The following DPP10 variants were observed in gnomAD, a reference collection of about 807,000 sequenced individuals.
DPP10 encodes the protein dipeptidyl peptidase like 10, also known as inactive dipeptidyl peptidase 10.
A neutral mutation model predicts 120.9 loss-of-function variants in DPP10; 33 were observed. That is an observed-to-expected ratio of 0.27 (90% CI 0.21 to 0.37). The LOEUF is 0.37. DPP10 is among the 10% of genes least tolerant of loss of function. The pLI is 1.00. For missense variants in DPP10, 816 were observed against 942.8 expected (o/e 0.87, Z 1.76); for synonymous variants, 337 against 326.1 (o/e 1.03, Z -0.36).
intron 15 of DPP10, among the ~76,000 whole-genome samples, chr2:115,780,412 A>C (rs998151620): frequency 3.3e-5 from 5 of 151,896 alleles, no homozygotes; most frequent in African/African-American, 1.2e-4. Context: ...TAATGTTTAG[A>C]ATGTTTAATT....
intron 3 of DPP10, among the ~76,000 whole-genome samples, chr2:115,481,737 T>A (rs2075441278): frequency 6.6e-6 from 1 of 152,126 alleles, no homozygotes; most frequent in African/African-American, 2.4e-5. Context: ...TAGATTAATA[T>A]TTTCAGGGTT....
At chr2:115,404,053 T>C (rs1436922214) in intron 3 of DPP10, among the ~76,000 whole-genome samples, 1 of 152,208 alleles carries the variant, frequency 6.6e-6, no homozygotes, top group African/African-American at 2.4e-5. Context: ...ACCTGAGTAT[T>C]AGACCATTCC....
intron 1 of DPP10, among the ~76,000 whole-genome samples, chr2:114,544,791 C>G (rs1489113368): frequency 6.6e-6 from 1 of 151,876 alleles, no homozygotes; most frequent in Admixed American, 6.6e-5. Context: ...AGGATTAATT[C>G]ATAGATTGAT....
chr2:114,533,645 A>G (rs1056507925), intron 1 of DPP10, among the ~76,000 whole-genome samples: 4 of 152,180 alleles, frequency 2.6e-5, no homozygotes, highest in African/African-American at 9.7e-5. Context: ...AAAAGAAATG[A>G]TAAGAGGGAA....
At chr2:114,711,871 T>C (rs903597572) in intron 1 of DPP10, among the ~76,000 whole-genome samples, 1 of 152,242 alleles carries the variant, frequency 6.6e-6, no homozygotes, top group Non-Finnish European at 1.5e-5. Context: ...ATTAACTTCA[T>C]GTATACAAGA....
chr2:115,075,040 G>A (rs936898903), intron 1 of DPP10, among the ~76,000 whole-genome samples: 42 of 152,330 alleles, frequency 2.8e-4, no homozygotes, highest in African/African-American at 9.6e-4. Flanking sequence ...AGACAAGAGA[G>A]TGAGAAGCAG....
chr2:114,450,192 T>A (rs1427354665), intron 1 of DPP10, among the ~76,000 whole-genome samples: 1 of 152,058 alleles, frequency 6.6e-6, no homozygotes, highest in Admixed American at 6.6e-5. Flanking sequence ...ACCTTCCCCA[T>A]CCCCCAAACC....
intron 11 of DPP10, among the ~76,000 whole-genome samples, 171 bp downstream of exon 11, chr2:115,753,468 A>C (rs1373493494): frequency 2.6e-5 from 4 of 152,182 alleles, no homozygotes; most frequent in Non-Finnish European, 5.9e-5. Context: ...AAAGCTTCCA[A>C]ACTTTGAAGT....
At chr2:115,188,521 C>T (rs2054633687) in intron 1 of DPP10, among the ~76,000 whole-genome samples, 2 of 152,118 alleles carry the variant, frequency 1.3e-5, no homozygotes, top group South Asian at 4.1e-4. Context: ...TTTAGGGTCT[C>T]TCAAGAAAAT....
intron 1 of DPP10, among the ~76,000 whole-genome samples, chr2:115,123,781 C>T (rs1180846180): frequency 1.3e-5 from 2 of 152,150 alleles, no homozygotes; most frequent in African/African-American, 4.8e-5. Context: ...TAACTATCTA[C>T]TCCAACAACC....
intron 7 of DPP10, among the ~76,000 whole-genome samples, chr2:115,701,143 A>G (rs560511559): frequency 3.2e-4 from 48 of 152,240 alleles, no homozygotes; most frequent in African/African-American, 1.1e-3. Flanking sequence ...AAACATTTGT[A>G]AAAAAGAAGA....
chr2:115,110,141 C>T (rs2049142535), intron 1 of DPP10, among the ~76,000 whole-genome samples: 1 of 152,170 alleles, frequency 6.6e-6, no homozygotes, highest in Admixed American at 6.5e-5. Context: ...CTCGATTTCC[C>T]ACCCTCCTTT....
intron 1 of DPP10, among the ~76,000 whole-genome samples, chr2:114,456,713 A>G (rs1044143998): frequency 2.0e-5 from 3 of 152,226 alleles, no homozygotes; most frequent in Non-Finnish European, 1.5e-5. Flanking sequence ...TTGTGATTAC[A>G]CGTACAAAAT....
At chr2:115,314,177 A>C (rs2061691430) in intron 2 of DPP10, among the ~76,000 whole-genome samples, 1 of 152,208 alleles carries the variant, frequency 6.6e-6, no homozygotes. Flanking sequence ...GTCAGAATGC[A>C]GTTGATACAG....
chr2:114,548,328 G>A (rs2104851292), intron 1 of DPP10, among the ~76,000 whole-genome samples: 1 of 152,232 alleles, frequency 6.6e-6, no homozygotes, highest in East Asian at 1.9e-4. Flanking sequence ...TCATGTTAAG[G>A]TACAAAATAA....
chr2:115,037,931 G>A (rs1032257473), intron 1 of DPP10, among the ~76,000 whole-genome samples: 2 of 152,032 alleles, frequency 1.3e-5, no homozygotes, highest in African/African-American at 2.4e-5. Context: ...TGTGTGCTGT[G>A]GGAGACACAC....
intron 1 of DPP10, among the ~76,000 whole-genome samples, chr2:115,001,168 A>G (rs1701413982): frequency 6.6e-6 from 1 of 152,182 alleles, no homozygotes. Context: ...GTTAAAATCA[A>G]CTTTTTAAAT....
At chr2:114,733,393 G>A (rs963969266) in intron 1 of DPP10, among the ~76,000 whole-genome samples, 12 of 152,168 alleles carry the variant, frequency 7.9e-5, no homozygotes, top group Non-Finnish European at 4.4e-5. Flanking sequence ...TCTTCTTTGT[G>A]CCAGGTCTAA....
intron 1 of DPP10, among the ~76,000 whole-genome samples, chr2:114,615,234 T>C (rs2105304827): frequency 6.6e-6 from 1 of 152,294 alleles, no homozygotes; most frequent in South Asian, 2.1e-4. Flanking sequence ...TTTTCACATG[T>C]TAGCATTCTT....
Sources: gnomAD v4.1 joint callset for allele counts (sites outside exome capture counted in the v4.1 genomes callset) on GRCh38, gnomAD v4.1.1 for gene constraint, MANE v1.5 for transcripts, NCBI Gene and HGNC (gene_info 2026-07-23, HGNC 2026-07-21) for gene names.